Variants in C11orf65 observed in about 807,000 individuals in gnomAD.
C11orf65 encodes protein MFI.
Under a neutral mutation model 35.3 loss-of-function variants are expected in C11orf65, and 38 were observed. The observed-to-expected ratio is 1.08, with a 90% CI of 0.83 to 1.41. The LOEUF (loss-of-function observed/expected upper bound fraction) is 1.41, where lower values mean the gene tolerates loss of function less well. C11orf65 is among the 40% of genes most tolerant of loss of function. The pLI is 0.00. For missense variants in C11orf65, 370 were observed against 367.1 expected, an observed-to-expected ratio of 1.01 and a Z score of -0.06; for synonymous variants, 105 against 114.4, an observed-to-expected ratio of 0.92 and a Z score of 0.53.
Position 108,353,059 on chromosome 11 carries a change from T to TG in C11orf65, c.227-17768dup, listed in dbSNP as rs532225810. Reference sequence around the variant, plus strand: ...GTATAGTTTTGCAGGACATTACAGTTGGGGTGAAATGGGGAAAAGGCATAA... The same window carrying TG: ...GTATAGTTTTGCAGGACATTACAGTTGGGGGTGAAATGGGGAAAAGGCATAA... On this transcript the variant is annotated intron_variant, in intron 2 of 3. Transcript: ENST00000524755. 1.7e-3 allele frequency among the ~76,000 whole-genome samples: 266 copies of TG among 152,316 alleles called. 1 individual carries two copies. Among genetic ancestry groups the TG allele is most frequent in the African/African-American group, 6.2e-3 (258 of 41,568 alleles).
chr11:108,467,742 G>A (rs1320164148), upstream of C11orf65, among the ~76,000 whole-genome samples: 1 of 152,118 alleles, frequency 6.6e-6, no homozygotes, highest in Non-Finnish European at 1.5e-5. Context: ...TACGAAGTTG[G>A]GCTTAGTATA....
In C11orf65 at chr11:108,331,466, C is replaced by T; in HGVS notation, c.*84G>A. 6.2e-7 allele frequency: 1 copy of T among 1,612,418 alleles called. No homozygotes were observed. Among genetic ancestry groups the T allele is most frequent in the Non-Finnish European group, 8.5e-7 (1 of 1,179,302 alleles). On this transcript the variant is annotated 3_prime_UTR_variant, in exon 4 of 4. Transcript: ENST00000524755. ...TAGAGAGACGGAATGAAGATTCCAA[C>T]ATATAAATTTTTGCCTCTTATGTAC...
At position 108,354,818 on chromosome 11, in the gene C11orf65, G is replaced by A. The variant is rs1240328733; in HGVS notation, c.227-19526C>T. On this transcript the variant is annotated intron_variant, in intron 2 of 3. Coordinates refer to the C11orf65 transcript ENST00000524755. ...TAATGTGTTTGACTCTAGATGCTGTGAGAAAACCATGGAAGTGATGAGAAA... is the reference window on the plus strand; with the variant it reads ...TAATGTGTTTGACTCTAGATGCTGTAAGAAAACCATGGAAGTGATGAGAAA... The A allele has an allele frequency of 6.2e-7, 1 of 1,613,682 alleles. No individual in the cohort carries two copies. The highest frequency in any genetic ancestry group is 2.2e-5 in the East Asian group (1 of 44,868).
chr11:108,452,775 A>T (rs2093365288), intron 2 of C11orf65, among the ~76,000 whole-genome samples: 1 of 152,102 alleles, frequency 6.6e-6, no homozygotes, highest in Admixed American at 6.6e-5. Context: ...GATAGACTGG[A>T]TTAAGAAAAT....
intron 1 of C11orf65, among the ~76,000 whole-genome samples, chr11:108,464,143 G>C: frequency 6.6e-6 from 1 of 151,872 alleles, no homozygotes; most frequent in Non-Finnish European, 1.5e-5. Flanking sequence ...GCCAGGGTGG[G>C]CTCGAACTGC....
chr11:108,377,288 A>C lies in C11orf65; in HGVS notation c.226+15920T>G, dbSNP rs1466931647. 2.6e-5 allele frequency among the ~76,000 whole-genome samples: 4 copies of C among 152,194 alleles called. No individual in the cohort carries two copies. In the East Asian group the frequency reaches 7.7e-4, roughly 29 times the overall value. On this transcript the variant is annotated intron_variant, in intron 2 of 3. Coordinates refer to the C11orf65 transcript ENST00000524755. ...ATCAAAAAGCCTATCCACCATGATC[A>C]AGTGGGCTTCATCCCTGGGATGCCA...
At chr11:108,365,546 G>T in intron 2 of C11orf65, 1 of 1,598,898 alleles carries the variant, frequency 6.3e-7, no homozygotes, top group Non-Finnish European at 8.5e-7. Context: ...TCAGCCTTTA[G>T]AAATTATATT....
intron 2 of C11orf65, among the ~76,000 whole-genome samples, chr11:108,369,775 G>T (rs561471031): frequency 6.6e-6 from 1 of 152,216 alleles, no homozygotes; most frequent in Admixed American, 6.5e-5. Flanking sequence ...TGCCTCACTT[G>T]ATATTTTCAA....
intron 2 of C11orf65, among the ~76,000 whole-genome samples, chr11:108,445,432 G>A (rs1399791752): frequency 6.6e-6 from 1 of 152,134 alleles, no homozygotes; most frequent in African/African-American, 2.4e-5. Flanking sequence ...TCAGGCAGCA[G>A]CATTTGCAGG....
chr11:108,331,277 A>G, downstream of C11orf65: 9 of 1,376,476 alleles, frequency 6.5e-6, no homozygotes, highest in Non-Finnish European at 8.4e-6. Context: ...CCCATTAGAA[A>G]GACCTTCAGA....
downstream of C11orf65, chr11:108,327,672 A>G: frequency 1.2e-6 from 2 of 1,613,960 alleles, no homozygotes; most frequent in Non-Finnish European, 1.7e-6. Context: ...ACTTACATAC[A>G]CAGAATGTCT....
chr11:108,310,576 T>G lies in C11orf65; in HGVS notation c.641-1505A>C, dbSNP rs2084066406. Among the ~76,000 whole-genome samples the G allele has an allele frequency of 2.6e-5, 4 of 152,298 alleles. No individual in the cohort carries two copies. The South Asian group carries it at 8.3e-4, about 32-fold the overall frequency. Reference sequence around the variant, plus strand: ...CCTATAGGACAGAGTCCATACTTAATTTTCTGTATATTCCCCATAATAGCC... The same window carrying G: ...CCTATAGGACAGAGTCCATACTTAAGTTTCTGTATATTCCCCATAATAGCC... On this transcript the variant is annotated intron_variant, in intron 6 of 6. Coordinates refer to the C11orf65 transcript ENST00000525729.
At chr11:108,436,555 T>A (rs2093062674) in intron 2 of C11orf65, among the ~76,000 whole-genome samples, 1 of 152,092 alleles carries the variant, frequency 6.6e-6, no homozygotes, top group Non-Finnish European at 1.5e-5. Context: ...TTAAATATGG[T>A]TAAAAGGGAT....
chr11:108,350,341 G>A (rs2089033208), intron 2 of C11orf65, among the ~76,000 whole-genome samples: 1 of 152,180 alleles, frequency 6.6e-6, no homozygotes, highest in South Asian at 2.1e-4. Context: ...CTGAGTTAGG[G>A]AAAGAAGAGG....
downstream of C11orf65, chr11:108,330,254 T>G (rs766586514): frequency 1.2e-6 from 2 of 1,614,222 alleles, no homozygotes; most frequent in South Asian, 2.2e-5. Context: ...GTTGGATGAA[T>G]TAGCCCTGCG....
chr11:108,312,389 G>T (rs757583426), intron 6 of C11orf65: 1 of 1,510,418 alleles, frequency 6.6e-7, no homozygotes, highest in South Asian at 1.1e-5. Context: ...CTCATTAAAA[G>T]AGGTGTTCTT....
At chr11:108,384,549 G>A (rs1352713543) in intron 8 of C11orf65, among the ~76,000 whole-genome samples, 5 of 152,068 alleles carry the variant, frequency 3.3e-5, no homozygotes, top group Non-Finnish European at 7.4e-5. Context: ...CAATCCTTTG[G>A]GAAGCCAAGA....
intron 2 of C11orf65, among the ~76,000 whole-genome samples, chr11:108,434,120 T>C (rs2093031033): frequency 1.3e-5 from 2 of 152,226 alleles, no homozygotes; most frequent in Admixed American, 6.5e-5. Flanking sequence ...GTGAGCAAGA[T>C]GACTCATTCC....
intron 2 of C11orf65, among the ~76,000 whole-genome samples, chr11:108,337,203 T>C (rs1166190578): frequency 6.6e-6 from 1 of 152,166 alleles, no homozygotes; most frequent in Non-Finnish European, 1.5e-5. Context: ...ATATAAAACT[T>C]ATTGGTTGGG....
Sources: allele counts gnomAD v4.1 joint callset (sites outside exome capture counted in the v4.1 genomes callset), GRCh38; gene constraint gnomAD v4.1.1; transcripts MANE v1.5; gene names NCBI Gene and HGNC (gene_info 2026-07-23, HGNC 2026-07-21).